The following PPP1R9A variants were observed in gnomAD, a reference collection of about 807,000 sequenced individuals.
PPP1R9A encodes the protein neurabin-1.
A neutral mutation model predicts 141.9 loss-of-function variants in PPP1R9A; 59 were observed. The ratio of observed to expected loss-of-function variants is 0.42; its 90% CI spans 0.34 to 0.52. PPP1R9A has a LOEUF of 0.52. PPP1R9A is among the 20% of genes least tolerant of loss of function. The probability of loss-of-function intolerance (pLI) is 0.10; values close to 1 mark genes in which losing one functional copy is unlikely to be tolerated. For synonymous variants in PPP1R9A, 500 were observed against 569.7 expected, an observed-to-expected ratio of 0.88 and a Z score of 1.74; for missense variants, 1,444 against 1,611.9, an observed-to-expected ratio of 0.90 and a Z score of 1.78.
At chr7:95,189,782 TA>T (rs1835222618) in intron 5 of PPP1R9A, among the ~76,000 whole-genome samples, 2 of 152,204 alleles carry the variant, frequency 1.3e-5, no homozygotes, top group Admixed American at 1.3e-4. Flanking sequence ...CTGATTGGGT[TA>T]AAGACCTTGA....
At chr7:94,921,608 AATT>A (rs563170345) in intron 2 of PPP1R9A, among the ~76,000 whole-genome samples, 114 of 152,188 alleles carry the variant, frequency 7.5e-4, no homozygotes, top group African/African-American at 2.6e-3. Context: ...ATATGTATAA[AATT>A]ATTATTTTTT....
chr7:95,172,812 A>C (rs957171822), intron 5 of PPP1R9A, among the ~76,000 whole-genome samples: 1 of 151,918 alleles, frequency 6.6e-6, no homozygotes, highest in African/African-American at 2.4e-5. Context: ...CCTGCCTGAA[A>C]GCATCACTAA....
chr7:95,153,785 G>A (rs1315869174), intron 4 of PPP1R9A, among the ~76,000 whole-genome samples: 1 of 152,042 alleles, frequency 6.6e-6, no homozygotes, highest in African/African-American at 2.4e-5. Flanking sequence ...TTCTTTGTTG[G>A]GAGACTTTAT....
At chr7:94,945,942 A>G (rs1795847012) in intron 2 of PPP1R9A, among the ~76,000 whole-genome samples, 1 of 152,086 alleles carries the variant, frequency 6.6e-6, no homozygotes, top group Non-Finnish European at 1.5e-5. Context: ...GATAACTAAT[A>G]TGCTAAAAAT....
At chr7:95,091,612 G>A (rs983231922) in intron 2 of PPP1R9A, among the ~76,000 whole-genome samples, 1 of 151,768 alleles carries the variant, frequency 6.6e-6, no homozygotes, top group Non-Finnish European at 1.5e-5. Flanking sequence ...CCAAAGTGCT[G>A]GGATTACAGG....
chr7:95,202,177 A>G (rs1789710956), intron 6 of PPP1R9A, among the ~76,000 whole-genome samples: 1 of 152,212 alleles, frequency 6.6e-6, no homozygotes, highest in Admixed American at 6.5e-5. Context: ...TTAGGAAATT[A>G]TAAGTCATAC....
chr7:94,972,781 T>G (rs1464294632), intron 2 of PPP1R9A, among the ~76,000 whole-genome samples: 1 of 152,172 alleles, frequency 6.6e-6, no homozygotes, highest in African/African-American at 2.4e-5. Flanking sequence ...TTTTAGGATT[T>G]AGGTGATCTG....
Position 94,919,300 on chromosome 7 carries a change from CATTTTTT to C in PPP1R9A, c.1395+7793_1395+7799del, listed in dbSNP as rs1403582014. ...GTGTGCCACAGTGCCTGGATAATTA[CATTTTTT>C]TTTTTTTTTTTTTTTTTTGTAGATT... On this transcript the variant is annotated intron_variant, in intron 2 of 19. Coordinates refer to ENST00000433360, the MANE Select transcript of PPP1R9A (RefSeq NM_001166160.2). Among the ~76,000 whole-genome samples, 23 of 120,180 alleles carry C rather than the reference CATTTTTT, an allele frequency of 1.9e-4. 1 individual carries two copies. The highest frequency in any genetic ancestry group is 7.1e-4 in the Admixed American group (8 of 11,328). 78.8% of individuals were successfully genotyped at this position (120,180 alleles called of 152,430 possible).
chr7:95,283,870 G>A (rs1804753546), intron 16 of PPP1R9A, 148 bp from the exon 17 acceptor site: 1 of 625,496 alleles, frequency 1.6e-6, no homozygotes, highest in African/African-American at 1.8e-5. Context: ...TAAGATTAGT[G>A]TTGTAGTCAA....
Position 95,137,412 on chromosome 7 carries a change from A to G in PPP1R9A, c.1649+16580A>G, listed in dbSNP as rs1162377706. Among the ~76,000 whole-genome samples the G allele has an allele frequency of 2.7e-5, 3 of 110,704 alleles. No individual in the cohort carries two copies. The East Asian group carries it at 8.5e-4, about 31-fold the overall frequency. 72.6% of individuals were successfully genotyped at this position (110,704 alleles called of 152,430 possible). A position where few individuals can be genotyped will look rare whatever the true frequency, so the allele number is the denominator to read the frequency against. On this transcript the variant is annotated intron_variant, in intron 4 of 19. Coordinates refer to ENST00000433360, the MANE Select transcript of PPP1R9A (RefSeq NM_001166160.2). The stretch of plus-strand genomic sequence containing the variant: ...ATCCATGTCCCTACAAAGGACATGA[A>G]CTCAAAAAAAAAAAAAAAAAAAAAA...
At chr7:95,262,870 A>G (rs1800644382) in intron 12 of PPP1R9A, among the ~76,000 whole-genome samples, 1 of 152,230 alleles carries the variant, frequency 6.6e-6, no homozygotes, top group Non-Finnish European at 1.5e-5. Flanking sequence ...GAAAATAGCA[A>G]TAATCTTCTG....
At chr7:94,945,863 A>G (rs564565119) in intron 2 of PPP1R9A, among the ~76,000 whole-genome samples, 24 of 152,184 alleles carry the variant, frequency 1.6e-4, no homozygotes, top group African/African-American at 5.5e-4. Context: ...GAGTTTGAAT[A>G]TTAATTTTAA....
At chr7:94,921,640 G>A (rs1792854947) in intron 2 of PPP1R9A, among the ~76,000 whole-genome samples, 1 of 151,808 alleles carries the variant, frequency 6.6e-6, no homozygotes, top group South Asian at 2.1e-4. Context: ...CCATTTCTCA[G>A]GGGGAAAGGC....
intron 16 of PPP1R9A, among the ~76,000 whole-genome samples, chr7:95,281,776 T>G (rs1166562463): frequency 1.3e-5 from 2 of 152,218 alleles, no homozygotes; most frequent in African/African-American, 4.8e-5. Flanking sequence ...AGGACAAGAT[T>G]GTCATGCTGT....
chr7:95,200,972 G>T (rs923075013), intron 6 of PPP1R9A, among the ~76,000 whole-genome samples: 1 of 152,176 alleles, frequency 6.6e-6, no homozygotes, highest in Admixed American at 6.5e-5. Flanking sequence ...AACACACTGT[G>T]CTGTTTTTGA....
chr7:95,206,607 C>G (rs1303621447), intron 7 of PPP1R9A, among the ~76,000 whole-genome samples: 1 of 152,104 alleles, frequency 6.6e-6, no homozygotes, highest in Non-Finnish European at 1.5e-5. Context: ...CACTCTCAGC[C>G]TGAGACAACT....
intron 2 of PPP1R9A, among the ~76,000 whole-genome samples, chr7:95,079,108 G>T (rs1252492360): frequency 6.6e-6 from 1 of 152,188 alleles, no homozygotes; most frequent in Non-Finnish European, 1.5e-5. Context: ...CGTATTTATG[G>T]TTTTAGGTCT....
chr7:94,979,439 C>T (rs147001845), intron 2 of PPP1R9A, among the ~76,000 whole-genome samples: 117 of 152,232 alleles, frequency 7.7e-4, no homozygotes, highest in African/African-American at 2.8e-3. Context: ...GAGTGTATCA[C>T]CCTTAGGTTT....
At chr7:95,112,266 A>G (rs999565140) in intron 3 of PPP1R9A, among the ~76,000 whole-genome samples, 1 of 152,188 alleles carries the variant, frequency 6.6e-6, no homozygotes, top group Non-Finnish European at 1.5e-5. Flanking sequence ...ACGAACAGGT[A>G]TTTCTTAAAA....
Sources: gnomAD v4.1 joint callset for allele counts (sites outside exome capture counted in the v4.1 genomes callset) on GRCh38, gnomAD v4.1.1 for gene constraint, MANE v1.5 for transcripts, NCBI Gene and HGNC (gene_info 2026-07-23, HGNC 2026-07-21) for gene names.